SLCO5A1: variants seen among roughly 807,000 people sequenced by gnomAD.
The protein encoded by SLCO5A1 is solute carrier organic anion transporter family member 5A1, also known as organic anion transporter polypeptide-related protein 4.
Under a neutral mutation model 65.1 loss-of-function variants are expected in SLCO5A1, and 39 were observed. The observed-to-expected ratio is 0.60, with a 90% CI of 0.46 to 0.78. The LOEUF is 0.78. Among genes scored for constraint, SLCO5A1 ranks in the 30% least tolerant of loss-of-function variants. The pLI is 0.00. For missense variants in SLCO5A1, 1,029 were observed against 1,069.4 expected (o/e 0.96, Z 0.53); for synonymous variants, 438 against 415.7 (o/e 1.05, Z -0.65).
intron 6 of SLCO5A1, among the ~76,000 whole-genome samples, chr8:69,687,401 G>A (rs528041680): frequency 6.6e-5 from 10 of 152,230 alleles, no homozygotes; most frequent in African/African-American, 2.4e-4. Context: ...GCGTCTAATT[G>A]TTATTTTTAT....
At chr8:69,731,190 G>A (rs1040296542) in intron 5 of SLCO5A1, among the ~76,000 whole-genome samples, 3 of 152,124 alleles carry the variant, frequency 2.0e-5, no homozygotes, top group African/African-American at 7.2e-5. Context: ...TGTAGAGACG[G>A]GGTTTCGCCA....
At chr8:69,787,410 C>A (rs575440683) in intron 2 of SLCO5A1, among the ~76,000 whole-genome samples, 1 of 152,302 alleles carries the variant, frequency 6.6e-6, no homozygotes, top group African/African-American at 2.4e-5. Context: ...TGCTTATGCA[C>A]CATGGTAATG....
chr8:69,746,184 T>A (rs1194424752), intron 4 of SLCO5A1, among the ~76,000 whole-genome samples: 3 of 152,162 alleles, frequency 2.0e-5, no homozygotes, highest in Non-Finnish European at 2.9e-5. Context: ...TCCTGAGTTC[T>A]TAGTCCTGTA....
chr8:69,784,994 G>C lies in SLCO5A1; in HGVS notation c.908-23119C>G, dbSNP rs78156860. On this transcript the variant is annotated intron_variant, in intron 2 of 9. Transcript: ENST00000260126. ...GAAAGAGAAAGAAAGAAAGAAAAGC[G>C]AAAGAAAGAAAGAAAAGAAAAGAAA... Among the ~76,000 whole-genome samples, 697 of 139,770 alleles carry C rather than the reference G, an allele frequency of 5.0e-3. 11 individuals carry two copies. The highest frequency in any genetic ancestry group is 0.018 in the African/African-American group (667 of 36,490). 91.7% of individuals were successfully genotyped at this position (139,770 alleles called of 152,430 possible).
rs1821238751 is a variant in SLCO5A1, at chr8:69,832,927, C to T, written c.-254G>A. The stretch of plus-strand genomic sequence containing the variant: ...GGGTCCGCGCGGTACTGCGATGAGC[C>T]CTACTCGGCGTCCCTCTCCGGGCGG... On this transcript the variant is annotated 5_prime_UTR_variant, in exon 2 of 10. Coordinates refer to ENST00000260126, the MANE Select transcript of SLCO5A1 (RefSeq NM_030958.3). The surrounding 1 kb of genome is among the most constrained non-coding windows in gnomAD (Gnocchi z 4.5). 2.1e-6 allele frequency: 1 copy of T among 487,752 alleles called. No homozygotes were observed. 30.2% of individuals were successfully genotyped at this position (487,752 alleles called of 1,614,324 possible).
chr8:69,802,079 G>A (rs767907559), intron 2 of SLCO5A1, among the ~76,000 whole-genome samples: 15 of 152,094 alleles, frequency 9.9e-5, no homozygotes, highest in Non-Finnish European at 2.1e-4. Context: ...ATCAGTCTAC[G>A]AGGTGATTGT....
intron 6 of SLCO5A1, among the ~76,000 whole-genome samples, chr8:69,703,880 T>C (rs7813644): frequency 0.019 from 2,848 of 152,358 alleles, 56 homozygotes; most frequent in Non-Finnish European, 0.033. Context: ...TTTACTATTA[T>C]CAATGCTCTT....
rs1813261817 is a variant in SLCO5A1 at position 69,669,139 on chromosome 8, A to G, written c.*3730T>C. ...TGTTCTGTATTAAATATGAACTATA[A>G]ATAAATATTTGAGGTATGTTATGAC... On this transcript the variant is annotated 3_prime_UTR_variant, in exon 10 of 10. Coordinates refer to ENST00000260126, the MANE Select transcript of SLCO5A1 (RefSeq NM_030958.3). The G allele has an allele frequency of 6.6e-6, 1 of 152,212 alleles. No individual in the cohort carries two copies. Among genetic ancestry groups the G allele is most frequent in the African/African-American group, 2.4e-5 (1 of 41,448 alleles). The allele number at this position is 152,212 out of a possible 1,614,324, so 9.4% of individuals were successfully genotyped here.
intron 2 of SLCO5A1, among the ~76,000 whole-genome samples, chr8:69,820,229 G>A (rs982129557): frequency 3.3e-5 from 5 of 152,192 alleles, no homozygotes; most frequent in African/African-American, 1.2e-4. Flanking sequence ...CCCTTCTTCT[G>A]TGGGAACAGG....
intron 2 of SLCO5A1, among the ~76,000 whole-genome samples, chr8:69,807,250 A>T (rs1820032445): frequency 6.6e-6 from 1 of 152,222 alleles, no homozygotes; most frequent in Non-Finnish European, 1.5e-5. Flanking sequence ...GTATACATGT[A>T]TGGGTACAAT....
intron 2 of SLCO5A1, among the ~76,000 whole-genome samples, chr8:69,792,764 A>G (rs1819325656): frequency 6.6e-6 from 1 of 152,156 alleles, no homozygotes; most frequent in South Asian, 2.1e-4. Context: ...AATATCATTA[A>G]TGAAATTAAA....
At chr8:69,761,507 G>A in intron 3 of SLCO5A1, 1 of 454,654 alleles carries the variant, frequency 2.2e-6, no homozygotes, top group Non-Finnish European at 3.9e-6. Flanking sequence ...AATAATATCA[G>A]AGTCCTTAAT....
At chr8:69,691,176 A>G (rs1425321479) in intron 6 of SLCO5A1, among the ~76,000 whole-genome samples, 1 of 152,126 alleles carries the variant, frequency 6.6e-6, no homozygotes, top group African/African-American at 2.4e-5. Context: ...AGCCACAGAG[A>G]GGAAGCAAAA....
intron 2 of SLCO5A1, among the ~76,000 whole-genome samples, chr8:69,809,864 G>T (rs576143953): frequency 6.6e-6 from 1 of 152,130 alleles, no homozygotes; most frequent in African/African-American, 2.4e-5. Flanking sequence ...GAGATCGGTA[G>T]CATCATTTGC....
intron 2 of SLCO5A1, among the ~76,000 whole-genome samples, chr8:69,820,880 TATAGC>T (rs1820606421): frequency 6.6e-6 from 1 of 152,122 alleles, no homozygotes; most frequent in Non-Finnish European, 1.5e-5. Context: ...TTCAAAATGT[TATAGC>T]AAGAGAAACA....
intron 2 of SLCO5A1, among the ~76,000 whole-genome samples, chr8:69,801,833 A>T (rs974043377): frequency 6.6e-6 from 1 of 152,194 alleles, no homozygotes; most frequent in Non-Finnish European, 1.5e-5. Flanking sequence ...GAGCAAACTA[A>T]GACCCGCTGA....
Position 69,672,795 on chromosome 8 carries a change from A to T in SLCO5A1, c.*74T>A. On this transcript the variant is annotated 3_prime_UTR_variant, in exon 10 of 10. Transcript: ENST00000260126. ...GAGGTTAAAAAAAAGAAAGAAAGAA[A>T]AGAAGGCACAGTTGTTTCTCAAGTC... is the stretch of plus-strand genomic sequence containing the variant. The T allele has an allele frequency of 6.8e-7, 1 of 1,472,652 alleles. No individual in the cohort carries two copies. The highest frequency in any genetic ancestry group is 1.4e-5 in the African/African-American group (1 of 71,018). 91.2% of individuals were successfully genotyped at this position (1,472,652 alleles called of 1,614,324 possible). A position where few individuals can be genotyped will look rare whatever the true frequency, so the allele number is the denominator to read the frequency against.
chr8:69,687,567 CTTTA>C (rs1458506788), intron 6 of SLCO5A1, among the ~76,000 whole-genome samples: 1 of 152,004 alleles, frequency 6.6e-6, no homozygotes, highest in Non-Finnish European at 1.5e-5. Flanking sequence ...TTCAAAATAT[CTTTA>C]TTTATTATTA....
At chr8:69,719,130 A>G (rs2130824774) in intron 5 of SLCO5A1, among the ~76,000 whole-genome samples, 1 of 152,358 alleles carries the variant, frequency 6.6e-6, no homozygotes, top group Admixed American at 6.5e-5. Flanking sequence ...AACTTCAAAA[A>G]TTAATCAGTT....
Sources: allele counts gnomAD v4.1 joint callset (sites outside exome capture counted in the v4.1 genomes callset), GRCh38; gene constraint gnomAD v4.1.1; non-coding constraint Gnocchi (gnomAD v3.1); transcripts MANE v1.5; gene names NCBI Gene and HGNC (gene_info 2026-07-23, HGNC 2026-07-21).